The following EDC3 variants were observed in gnomAD, a reference collection of about 807,000 sequenced individuals.
The protein encoded by EDC3 is enhancer of mRNA decapping 3, also known as enhancer of mRNA-decapping protein 3.
EDC3 carries 20 observed loss-of-function variants against 41.8 expected under a neutral mutation model. The observed-to-expected ratio is 0.48, with a 90% CI of 0.34 to 0.70. The LOEUF (loss-of-function observed/expected upper bound fraction) is 0.70, where lower values mean the gene tolerates loss of function less well. Ranked by LOEUF, EDC3 falls within the 30% of genes least tolerant of loss-of-function variation. The pLI, the probability that EDC3 is intolerant of heterozygous loss-of-function variation, is 0.01. For synonymous variants in EDC3, 206 were observed against 243.2 expected (o/e 0.85, Z 1.42); for missense variants, 444 against 636.8 (o/e 0.70, Z 3.26).
At position 74,632,309 on chromosome 15, in the gene EDC3, C is replaced by G. The variant is rs1360668141; in HGVS notation, c.*303G>C. The G allele has an allele frequency of 2.4e-6, 1 of 410,662 alleles. No homozygotes were observed. The allele number at this position is 410,662 out of a possible 1,614,324, so 25.4% of individuals were successfully genotyped here. ...AGGCCCAGTGGCTGTAAACCTGAAA[C>G]ACAGTCTTGAGAGCTGCCTACGGCT... On this transcript the variant is annotated 3_prime_UTR_variant, in exon 7 of 7. Transcript: ENST00000315127. The surrounding 1 kb of genome is among the most constrained non-coding windows in gnomAD (Gnocchi z 4.0).
rs933258172 is a variant in EDC3, at chr15:74,630,843, G to T, written c.*1769C>A. The T allele has an allele frequency of 6.6e-6, 1 of 152,282 alleles. No homozygotes were observed. The highest frequency in any genetic ancestry group is 1.5e-5 in the Non-Finnish European group (1 of 68,118). The allele number at this position is 152,282 out of a possible 1,614,324, so 9.4% of individuals were successfully genotyped here. ...TGGCCCTGCAAGGCTATCATCCCTG[G>T]ATCTTGCTGGAGTGGACAGTCTTCT... On this transcript the variant is annotated 3_prime_UTR_variant, in exon 7 of 7. Coordinates refer to ENST00000315127, the MANE Select transcript of EDC3 (RefSeq NM_025083.5).
chr15:74,679,369 A>C (rs1203349010), intron 1 of EDC3, among the ~76,000 whole-genome samples: 1 of 152,114 alleles, frequency 6.6e-6, no homozygotes, highest in East Asian at 1.9e-4. Flanking sequence ...TCCAGCAATA[A>C]ATTTTAAAAG....
chr15:74,658,681 C>G (rs1407191724), intron 3 of EDC3, among the ~76,000 whole-genome samples: 1 of 148,924 alleles, frequency 6.7e-6, no homozygotes, highest in Non-Finnish European at 1.5e-5. Context: ...GGGCTCATGC[C>G]TGTAATCCCA....
In EDC3 at chr15:74,632,937, G is replaced by C. The variant is rs1335736774; in HGVS notation, c.1202C>G (p.Thr401Ser). The C allele has an allele frequency of 1.9e-6, 3 of 1,613,776 alleles. No individual in the cohort carries two copies. The highest frequency in any genetic ancestry group is 2.5e-6 in the Non-Finnish European group (3 of 1,179,766). Residue 401 changes from threonine (T) to serine (S), a missense_variant, in exon 7 of 7, where the codon ACT (threonine) becomes AGT (serine). By Grantham distance (58) the Thr-to-Ser change is moderately conservative. Around this residue, in one of 3 missense-constraint regions of EDC3, gnomAD observed 242 missense variants for 363.8 expected, o/e 0.67. Transcript: ENST00000315127. This position sits in a 1 kb window ranked among gnomAD's most constrained non-coding sequence, Gnocchi z 4.0. ...GTTGATGACCAGGTCCACAGGGCTA[G>C]TGGGCAGATCTGCAGGTGGAAAGAG... ...QQVSSLKDLP[T>S]SPVDLVINCL...
chr15:74,673,462 C>A (rs1362624746), intron 2 of EDC3, among the ~76,000 whole-genome samples: 1 of 152,130 alleles, frequency 6.6e-6, no homozygotes, highest in African/African-American at 2.4e-5. Flanking sequence ...GAAAATCTTG[C>A]ATTTAAGATA....
Position 74,632,376 on chromosome 15 carries a change from G to A in EDC3, c.*236C>T, listed in dbSNP as rs138293236. On this transcript the variant is annotated 3_prime_UTR_variant, in exon 7 of 7. Coordinates refer to ENST00000315127, the MANE Select transcript of EDC3 (RefSeq NM_025083.5). The surrounding 1 kb of genome is among the most constrained non-coding windows in gnomAD (Gnocchi z 4.0). ...CTGGCCGTGCAGGGGGCTGAGGGTA[G>A]AGATGCCTGGAGTTGCTGCACGCTC... 29 of 577,314 alleles carry A rather than the reference G, an allele frequency of 5.0e-5. No individual in the cohort carries two copies. In the African/African-American group the frequency reaches 5.0e-4, roughly 10 times the overall value. 35.8% of individuals were successfully genotyped at this position (577,314 alleles called of 1,614,324 possible). A position where few individuals can be genotyped will look rare whatever the true frequency, so the allele number is the denominator to read the frequency against.
chr15:74,649,495 AC>A (rs1257616646), intron 4 of EDC3, among the ~76,000 whole-genome samples: 5 of 152,298 alleles, frequency 3.3e-5, no homozygotes, highest in Non-Finnish European at 7.3e-5. Context: ...ACTATGACTT[AC>A]CCAGAGTATT....
chr15:74,641,001 T>C (rs1203016962), intron 4 of EDC3: 1 of 248,836 alleles, frequency 4.0e-6, no homozygotes, highest in African/African-American at 2.3e-5. Context: ...GGAAATGCCA[T>C]CTTGGGCAGC....
At chr15:74,683,405 A>G (rs1318253596) in intron 1 of EDC3, among the ~76,000 whole-genome samples, 1 of 151,424 alleles carries the variant, frequency 6.6e-6, no homozygotes, top group African/African-American at 2.4e-5. Flanking sequence ...CGTGGTGGCA[A>G]GCGCCTATAG....
intron 5 of EDC3, 168 bp downstream of exon 5, chr15:74,640,298 G>C: frequency 2.7e-6 from 2 of 731,790 alleles, no homozygotes; most frequent in South Asian, 1.9e-5. Context: ...CTGAGGAGGG[G>C]CAAAGAAACC....
chr15:74,656,438 C>A (rs1245471633), intron 3 of EDC3, among the ~76,000 whole-genome samples: 1 of 151,236 alleles, frequency 6.6e-6, no homozygotes, highest in Non-Finnish European at 1.5e-5. Context: ...CACACACACA[C>A]ACAAACAACA....
At position 74,671,810 on chromosome 15, in the gene EDC3, A is replaced by C; in HGVS notation, c.165-36T>G. ...CAAAAAAGCCAAGTCTCAAAATTAT[A>C]ATAGTGGTAAGAATGATGAAACTGA... On this transcript the variant is annotated intron_variant, in intron 2 of 6. Transcript: ENST00000315127. This position sits in a 1 kb window ranked among gnomAD's most constrained non-coding sequence, Gnocchi z 4.6. 6.3e-7 allele frequency: 1 copy of C among 1,590,838 alleles called. No homozygotes were observed. The highest frequency in any genetic ancestry group is 8.6e-7 in the Non-Finnish European group (1 of 1,161,222).
intron 4 of EDC3, among the ~76,000 whole-genome samples, chr15:74,646,284 G>A (rs1211998934): frequency 2.6e-5 from 4 of 152,080 alleles, no homozygotes; most frequent in Non-Finnish European, 4.4e-5. Context: ...TATTGGCCAG[G>A]CTGGGCTTGA....
Position 74,674,896 on chromosome 15 carries a change from C to T in EDC3, c.164+65G>A, listed in dbSNP as rs550451862. The T allele has an allele frequency of 1.2e-5, 19 of 1,578,626 alleles. 1 individual carries two copies. In the South Asian group the frequency reaches 2.1e-4, roughly 18 times the overall value. ...CATATGCCAAGAGAATACTAGCAAT[C>T]AGACCTAGGTTCAAGCTCCACAGAC... On this transcript the variant is annotated intron_variant, in intron 2 of 6. Transcript: ENST00000315127.
chr15:74,642,841 A>G (rs2062370218), intron 4 of EDC3: 1 of 152,210 alleles, frequency 6.6e-6, no homozygotes. Flanking sequence ...TTAAGAGTAC[A>G]AAACTTAATG....
chr15:74,687,423 G>C (rs1192186287), intron 1 of EDC3, among the ~76,000 whole-genome samples: 4 of 152,188 alleles, frequency 2.6e-5, no homozygotes, highest in Non-Finnish European at 5.9e-5. Context: ...GCCCAGGCTA[G>C]AGTGCAGTGG....
intron 1 of EDC3, among the ~76,000 whole-genome samples, chr15:74,676,255 C>T (rs2062806455): frequency 6.6e-6 from 1 of 151,812 alleles, no homozygotes; most frequent in Non-Finnish European, 1.5e-5. Context: ...TAATATAGTG[C>T]GTAAAAGGGG....
chr15:74,678,117 A>C (rs1239259941), intron 1 of EDC3, among the ~76,000 whole-genome samples: 1 of 152,112 alleles, frequency 6.6e-6, no homozygotes, highest in Non-Finnish European at 1.5e-5. Flanking sequence ...GAGGTGAACA[A>C]GAGAATTTTT....
intron 1 of EDC3, among the ~76,000 whole-genome samples, chr15:74,688,529 A>G (rs2062964568): frequency 1.3e-5 from 2 of 152,202 alleles, no homozygotes; most frequent in South Asian, 4.1e-4. Context: ...ATCATGAAAG[A>G]TTATTTGAGC....
Sources: gnomAD v4.1 joint callset for allele counts (sites outside exome capture counted in the v4.1 genomes callset) on GRCh38, gnomAD v4.1.1 for gene constraint, gnomAD v4.1.1 regional missense constraint, Gnocchi (gnomAD v3.1) non-coding constraint, MANE v1.5 for transcripts, NCBI Gene and HGNC (gene_info 2026-07-23, HGNC 2026-07-21) for gene names.